Variants in NRG3 observed in about 807,000 individuals in gnomAD.
The protein encoded by NRG3 is neuregulin 3.
A neutral mutation model predicts 66.9 loss-of-function variants in NRG3; 31 were observed. That is an observed-to-expected ratio of 0.46 (90% CI 0.35 to 0.63). NRG3 has a LOEUF of 0.63. Ranked by LOEUF, NRG3 falls within the 20% of genes least tolerant of loss-of-function variation. NRG3 has a pLI of 0.00. For missense variants in NRG3, 910 were observed against 878.9 expected (o/e 1.04, Z -0.45); for synonymous variants, 393 against 359.4 (o/e 1.09, Z -1.06).
At chr10:82,413,699 C>T (rs2088303864) in intron 2 of NRG3, among the ~76,000 whole-genome samples, 1 of 152,158 alleles carries the variant, frequency 6.6e-6, no homozygotes, top group African/African-American at 2.4e-5. Context: ...TTGTAGCCAC[C>T]TTCATCAATT....
intron 1 of NRG3, among the ~76,000 whole-genome samples, chr10:82,294,822 A>G (rs1589623535): frequency 6.6e-6 from 1 of 152,160 alleles, no homozygotes. Flanking sequence ...AGGAATGCAA[A>G]TATTTGAGAT....
intron 2 of NRG3, among the ~76,000 whole-genome samples, chr10:82,668,076 T>G (rs2052945039): frequency 1.3e-5 from 2 of 152,158 alleles, no homozygotes; most frequent in Non-Finnish European, 2.9e-5. Flanking sequence ...CCTCCCTTAT[T>G]TTCTTTCTTC....
intron 1 of NRG3, among the ~76,000 whole-genome samples, chr10:82,036,838 T>C (rs559416542): frequency 6.1e-4 from 93 of 152,210 alleles, no homozygotes; most frequent in African/African-American, 2.1e-3. Context: ...TTGTTTTGTA[T>C]AGAGGGGGAA....
At chr10:82,568,132 C>T (rs2045524889) in intron 2 of NRG3, among the ~76,000 whole-genome samples, 1 of 151,698 alleles carries the variant, frequency 6.6e-6, no homozygotes, top group Admixed American at 6.6e-5. Flanking sequence ...GGATGCAGGC[C>T]ATAGTTGGAC....
intron 2 of NRG3, among the ~76,000 whole-genome samples, chr10:82,481,947 A>G (rs946420531): frequency 3.1e-4 from 47 of 152,192 alleles, no homozygotes; most frequent in African/African-American, 1.1e-3. Flanking sequence ...AGATCACGCC[A>G]CTGCACTTCA....
At chr10:82,512,376 C>G (rs947739801) in intron 2 of NRG3, among the ~76,000 whole-genome samples, 13 of 151,944 alleles carry the variant, frequency 8.6e-5, no homozygotes, top group African/African-American at 3.1e-4. Flanking sequence ...ACCTCTGCCT[C>G]CTGGGTTCAA....
intron 2 of NRG3, among the ~76,000 whole-genome samples, chr10:82,424,796 A>G (rs1312023193): frequency 6.6e-6 from 1 of 151,918 alleles, no homozygotes; most frequent in African/African-American, 2.4e-5. Flanking sequence ...TCTATGATCT[A>G]TTTTGAGTTA....
At chr10:82,183,179 G>A (rs1408784789) in intron 1 of NRG3, among the ~76,000 whole-genome samples, 1 of 151,708 alleles carries the variant, frequency 6.6e-6, no homozygotes, top group African/African-American at 2.4e-5. Flanking sequence ...TGATGTTTTT[G>A]TTGTTTCTGT....
intron 1 of NRG3, among the ~76,000 whole-genome samples, chr10:82,049,472 A>G (rs1053269496): frequency 2.6e-5 from 4 of 152,112 alleles, no homozygotes; most frequent in Admixed American, 1.3e-4. Context: ...TTACATTTAA[A>G]AAACAATTAT....
chr10:81,952,749 G>A (rs892193268), intron 1 of NRG3, among the ~76,000 whole-genome samples: 2 of 152,026 alleles, frequency 1.3e-5, no homozygotes, highest in African/African-American at 4.8e-5. Context: ...GACTAAAGGT[G>A]TGCATACCCT....
intron 2 of NRG3, among the ~76,000 whole-genome samples, chr10:82,681,821 T>C (rs1261421913): frequency 1.3e-5 from 2 of 152,218 alleles, no homozygotes; most frequent in Non-Finnish European, 2.9e-5. Context: ...AAATATATAG[T>C]GATTTGCAAG....
chr10:82,225,674 G>A (rs1401159155), intron 1 of NRG3: 1 of 152,176 alleles, frequency 6.6e-6, no homozygotes, highest in Non-Finnish European at 1.5e-5. Context: ...GATAACTCAT[G>A]TCCCACACAG....
intron 3 of NRG3, among the ~76,000 whole-genome samples, chr10:82,813,177 ACATTATTCAT>A (rs2061562934): frequency 6.6e-6 from 1 of 151,252 alleles, no homozygotes; most frequent in South Asian, 2.1e-4. Context: ...AACACAAAGT[ACATTATTCAT>A]CATTATTCAT....
intron 1 of NRG3, among the ~76,000 whole-genome samples, chr10:82,201,546 G>A (rs2074823755): frequency 1.3e-5 from 2 of 152,246 alleles, no homozygotes; most frequent in South Asian, 4.1e-4. Flanking sequence ...GAACAATAGT[G>A]ACCATTTTGG....
At chr10:82,124,870 A>T (rs1046744780) in intron 1 of NRG3, among the ~76,000 whole-genome samples, 3 of 151,992 alleles carry the variant, frequency 2.0e-5, no homozygotes, top group Admixed American at 2.0e-4. Flanking sequence ...AAAACATCAT[A>T]TCATCTAATA....
At chr10:82,321,450 A>C (rs577054274) in intron 1 of NRG3, among the ~76,000 whole-genome samples, 2 of 152,326 alleles carry the variant, frequency 1.3e-5, no homozygotes, top group South Asian at 4.1e-4. Flanking sequence ...CGACGTGATT[A>C]TTGTTTCCCT....
intron 2 of NRG3, among the ~76,000 whole-genome samples, chr10:82,627,072 G>C (rs192922454): frequency 2.0e-5 from 3 of 151,638 alleles, no homozygotes; most frequent in Non-Finnish European, 2.9e-5. Context: ...TTTTAATAAG[G>C]CTGCTCCTGA....
chr10:82,700,281 G>A (rs1341790290), intron 2 of NRG3, among the ~76,000 whole-genome samples: 1 of 152,038 alleles, frequency 6.6e-6, no homozygotes, highest in Admixed American at 6.6e-5. Context: ...CTTGTCACTC[G>A]AGGAGACTTG....
At position 82,044,191 on chromosome 10, in the gene NRG3, A is replaced by G. The variant is rs116032144; in HGVS notation, c.823+168028A>G. ...TTTATTGTTGAGCATGTGTATGATTATCATATACTTTATGAAGTTTTGCTT... is the reference window on the plus strand; with the variant it reads ...TTTATTGTTGAGCATGTGTATGATTGTCATATACTTTATGAAGTTTTGCTT... On this transcript the variant is annotated intron_variant, in intron 1 of 8. Coordinates refer to ENST00000372141, the MANE Select transcript of NRG3 (RefSeq NM_001010848.4). Among the ~76,000 whole-genome samples the G allele has an allele frequency of 9.7e-3, 1,480 of 152,102 alleles. 31 individuals are homozygous for G. The highest frequency in any genetic ancestry group is 0.033 in the African/African-American group (1,384 of 41,528).
Sources: allele counts gnomAD v4.1 joint callset (sites outside exome capture counted in the v4.1 genomes callset), GRCh38; gene constraint gnomAD v4.1.1; transcripts MANE v1.5; gene names NCBI Gene and HGNC (gene_info 2026-07-23, HGNC 2026-07-21).